The following DLG5 variants were observed in gnomAD, a reference collection of about 807,000 sequenced individuals.
DLG5 encodes disks large homolog 5.
Under a neutral mutation model 189.8 loss-of-function variants are expected in DLG5, and 48 were observed. The observed-to-expected ratio is 0.25, with a 90% CI of 0.20 to 0.32. DLG5 has a LOEUF of 0.32. Ranked by LOEUF, DLG5 falls within the 10% of genes least tolerant of loss-of-function variation. The probability of loss-of-function intolerance (pLI) is 1.00; values close to 1 mark genes in which losing one functional copy is unlikely to be tolerated. For synonymous variants in DLG5, 1,016 were observed against 1,054.1 expected (o/e 0.96, Z 0.70); for missense variants, 2,160 against 2,544.7 (o/e 0.85, Z 3.25).
intron 1 of DLG5, among the ~76,000 whole-genome samples, chr10:77,918,634 C>T (rs878954471): frequency 6.6e-6 from 1 of 152,014 alleles, no homozygotes; most frequent in African/African-American, 2.4e-5. Flanking sequence ...TTGTGGAACG[C>T]AGTCTCAAAA....
Position 77,820,002 on chromosome 10 carries a change from G to A in DLG5, c.3419C>T (p.Pro1140Leu), listed in dbSNP as rs201245614. Residue 1140 changes from proline to leucine, a missense_variant, in exon 16 of 32, where the codon CCG becomes CTG. Coordinates refer to ENST00000372391, the MANE Select transcript of DLG5 (RefSeq NM_004747.4). ...AQFLEEQKCV[P>L]ASGELSPELQ... ...CTCCGGGGAGAGTTCTCCACTGGCC[G>A]GGACACACTTCTGTTCCTGCAGATG... The A allele has an allele frequency of 8.9e-5, 144 of 1,613,356 alleles. No homozygotes were observed. The highest frequency in any genetic ancestry group is 3.5e-4 in the South Asian group (32 of 91,082).
intron 3 of DLG5, among the ~76,000 whole-genome samples, chr10:77,855,100 C>A (rs959726822): frequency 6.6e-6 from 1 of 152,138 alleles, no homozygotes; most frequent in African/African-American, 2.4e-5. Flanking sequence ...ATTAAAATAC[C>A]AATGCCCAGG....
the DLG5 span, among the ~76,000 whole-genome samples, chr10:77,932,196 G>A: frequency 6.6e-6 from 1 of 152,326 alleles, no homozygotes; most frequent in East Asian, 1.9e-4. Context: ...TGCGAGGAAA[G>A]ACTCCACAGC....
rs577420666 is a variant in DLG5, at chr10:77,823,976, G to T, written c.2382+408C>A. Among the ~76,000 whole-genome samples, 29 of 152,000 alleles carry T rather than the reference G, an allele frequency of 1.9e-4. 1 individual carries two copies. In the South Asian group the frequency reaches 5.8e-3, roughly 30 times the overall value. On this transcript the variant is annotated intron_variant, in intron 14 of 31. Coordinates refer to ENST00000372391, the MANE Select transcript of DLG5 (RefSeq NM_004747.4). ...CTGTGTTGCTGGGCTCAAGTGATTCGACTGCCTTGGCCTCCCAAAGTGTTG... is the reference window on the plus strand; with the variant it reads ...CTGTGTTGCTGGGCTCAAGTGATTCTACTGCCTTGGCCTCCCAAAGTGTTG...
upstream of DLG5, among the ~76,000 whole-genome samples, chr10:77,930,451 G>A (rs1001345430): frequency 5.3e-5 from 8 of 151,442 alleles, no homozygotes; most frequent in Non-Finnish European, 8.8e-5. Flanking sequence ...GGGTTCAAGC[G>A]ATTCTCCTGC....
At chr10:77,912,123 G>C (rs1231223495) in intron 1 of DLG5, 3 of 148,950 alleles carry the variant, frequency 2.0e-5, no homozygotes, top group African/African-American at 7.4e-5. Flanking sequence ...GATCGCCTGA[G>C]CCCAGGAGTT....
intron 1 of DLG5, among the ~76,000 whole-genome samples, chr10:77,889,701 T>C (rs550743805): frequency 6.6e-6 from 1 of 152,312 alleles, no homozygotes; most frequent in East Asian, 1.9e-4. Flanking sequence ...GGCTACTTCA[T>C]CTGCCTCCGT....
At chr10:77,934,982 C>A in the DLG5 span, among the ~76,000 whole-genome samples, 1 of 151,866 alleles carries the variant, frequency 6.6e-6, no homozygotes, top group Non-Finnish European at 1.5e-5. Flanking sequence ...CTCAGCCTTC[C>A]CAATAGCTGG....
intron 7 of DLG5, among the ~76,000 whole-genome samples, chr10:77,840,443 G>C (rs1466212399): frequency 2.0e-5 from 3 of 151,904 alleles, no homozygotes; most frequent in Admixed American, 6.6e-5. Flanking sequence ...TGGCTCACCA[G>C]GCGGTGAATT....
At chr10:77,906,853 C>T (rs888250903) in intron 1 of DLG5, among the ~76,000 whole-genome samples, 4 of 151,906 alleles carry the variant, frequency 2.6e-5, no homozygotes, top group Non-Finnish European at 5.9e-5. Flanking sequence ...CTTGAACTCC[C>T]GACCTCAGGT....
At chr10:77,927,478 A>C (rs1437327791), upstream of DLG5, 1 of 152,230 alleles carries the variant, frequency 6.6e-6, no homozygotes, top group Non-Finnish European at 1.5e-5. Context: ...AGGAGCTCCT[A>C]AGAGAATTTC....
chr10:77,895,256 G>A (rs751033554), intron 1 of DLG5, among the ~76,000 whole-genome samples: 4 of 152,022 alleles, frequency 2.6e-5, no homozygotes, highest in Non-Finnish European at 4.4e-5. Context: ...CACTACTCAC[G>A]CCCCTTCTCC....
At chr10:77,820,647 TG>T (rs1191093986) in intron 15 of DLG5, 1 of 200,630 alleles carries the variant, frequency 5.0e-6, no homozygotes. Context: ...GTGAGCAGTG[TG>T]GACTGGTGCC....
chr10:77,832,996 C>T lies in DLG5; in HGVS notation c.1748+918G>A, dbSNP rs893193524. Among the ~76,000 whole-genome samples, 7 of 152,054 alleles carry T rather than the reference C, an allele frequency of 4.6e-5. 1 individual carries two copies. Among genetic ancestry groups the T allele is most frequent in the South Asian group, 4.1e-4 (2 of 4,826 alleles). ...AAGAGAAGCTGTCACTCCCTTCTGA[C>T]GGGCAGCACTTGAGTGTGCAAGGCT... On this transcript the variant is annotated intron_variant, in intron 9 of 31. Transcript: ENST00000372391.
At position 77,796,354 on chromosome 10, in the gene DLG5, G is replaced by A. The variant is rs572472397; in HGVS notation, c.5308+97C>T. ...TGGAACACTGTGAAATCTGCCCCCC[G>A]GTACTGCCACCCACTGTGCACAGCT... On this transcript the variant is annotated intron_variant, in intron 28 of 31. Coordinates refer to ENST00000372391, the MANE Select transcript of DLG5 (RefSeq NM_004747.4). This position sits in a 1 kb window ranked among gnomAD's most constrained non-coding sequence, Gnocchi z 5.2. 67 of 1,594,024 alleles carry A rather than the reference G, an allele frequency of 4.2e-5. No individual in the cohort carries two copies. Among genetic ancestry groups the A allele is most frequent in the Middle Eastern group, 1.7e-4 (1 of 5,972 alleles).
At chr10:77,917,235 AGGAGGCTGAGGTG>A (rs1212219617) in intron 1 of DLG5, among the ~76,000 whole-genome samples, 1 of 151,868 alleles carries the variant, frequency 6.6e-6, no homozygotes, top group Non-Finnish European at 1.5e-5. Flanking sequence ...CCAGCTACTC[AGGAGGCTGAGGTG>A]GGAGAATGGC....
intron 1 of DLG5, among the ~76,000 whole-genome samples, chr10:77,875,861 CCTCCCTAGGGG>C (rs1424931125): frequency 6.6e-6 from 1 of 151,786 alleles, no homozygotes; most frequent in African/African-American, 2.4e-5. Context: ...AGCCCCAGCC[CCTCCCTAGGGG>C]CTCGGCCTCC....
chr10:77,816,551 C>T lies in DLG5; in HGVS notation c.4025G>A (p.Arg1342Lys), dbSNP rs1298461369. 5 of 1,613,954 alleles carry T rather than the reference C, an allele frequency of 3.1e-6. No homozygotes were observed. The highest frequency in any genetic ancestry group is 1.6e-4 in the Middle Eastern group (1 of 6,080). The change falls in exon 20 of 32, where the codon AGG (arginine) becomes AAG (lysine). Residue 1342 changes from arginine to lysine, a missense_variant and splice_region_variant. Transcript: ENST00000372391. ...PASLGERRKD[R>K]PYVEEPRHVK... ...TCCACCGATGACCGGCCATGCTCAC[C>T]TGTCCTTTCTCCGCTCCCCGAGGGA... is the stretch of plus-strand genomic sequence containing the variant.
the DLG5 span, among the ~76,000 whole-genome samples, chr10:77,938,216 G>T: frequency 0.012 from 1,814 of 151,884 alleles, 34 homozygotes; most frequent in African/African-American, 0.041. Context: ...GGCCAAGGAA[G>T]GATGATCACT....
Sources: gnomAD v4.1 joint callset for allele counts (sites outside exome capture counted in the v4.1 genomes callset) on GRCh38, gnomAD v4.1.1 for gene constraint, Gnocchi (gnomAD v3.1) non-coding constraint, MANE v1.5 for transcripts, NCBI Gene and HGNC (gene_info 2026-07-23, HGNC 2026-07-21) for gene names.